Variants in NELFCD observed in about 807,000 individuals in gnomAD.
NELFCD encodes the protein negative elongation factor complex member C/D.
A neutral mutation model predicts 72.9 loss-of-function variants in NELFCD; 48 were observed. The observed-to-expected ratio is 0.66, with a 90% confidence interval of 0.52 to 0.84. NELFCD has a LOEUF of 0.84. Ranked by LOEUF, NELFCD falls within the 40% of genes least tolerant of loss-of-function variation. NELFCD has a pLI of 0.00. For missense variants in NELFCD, 538 were observed against 723.8 expected (o/e 0.74, Z 2.94); for synonymous variants, 297 against 280.6 (o/e 1.06, Z -0.59).
chr20:58,984,215 G>A (rs1008034904), intron 1 of NELFCD, among the ~76,000 whole-genome samples: 1 of 152,112 alleles, frequency 6.6e-6, no homozygotes, highest in Non-Finnish European at 1.5e-5. Flanking sequence ...AATGGGGAGT[G>A]GTGAGAGGTC....
Position 58,986,419 on chromosome 20 carries a change from G to A in NELFCD, c.176+211G>A. 3.6e-6 allele frequency: 2 copies of A among 560,872 alleles called. No homozygotes were observed. Among genetic ancestry groups the A allele is most frequent in the South Asian group, 2.3e-5 (1 of 44,322 alleles). 34.7% of individuals were successfully genotyped at this position (560,872 alleles called of 1,614,324 possible). A position where few individuals can be genotyped will look rare whatever the true frequency, so the allele number is the denominator to read the frequency against. ...TGCAGTGGCACAATCACCGCTCACT[G>A]CAGCTTCAGCCTCCTGGAATCAAGC... is the stretch of plus-strand genomic sequence containing the variant. On this transcript the variant is annotated intron_variant, in intron 2 of 14. Coordinates refer to ENST00000652272, the MANE Select transcript of NELFCD (RefSeq NM_198976.4). The surrounding 1 kb of genome is among the most constrained non-coding windows in gnomAD (Gnocchi z 4.4).
Position 58,993,024 on chromosome 20 carries a change from T to A in NELFCD, c.1256T>A (p.Leu419Gln), listed in dbSNP as rs759154065. The change falls in exon 11 of 15, where the codon CTG (leucine) becomes CAG (glutamine). Residue 419 changes from leucine (L) to glutamine (Q), a missense_variant. Coordinates refer to ENST00000652272, the MANE Select transcript of NELFCD (RefSeq NM_198976.4). This position sits in a 1 kb window ranked among gnomAD's most constrained non-coding sequence, Gnocchi z 5.0. ...IRFPVVAMGV[L>Q]KWVDWTVSEP... is the part of the protein sequence containing the mutation. ...TTTCCAGTGGTAGCAATGGGTGTGCTGAAGTGGGTGGATTGGACTGTATCA... is the reference window on the plus strand; with the variant it reads ...TTTCCAGTGGTAGCAATGGGTGTGCAGAAGTGGGTGGATTGGACTGTATCA... The A allele has an allele frequency of 6.2e-7, 1 of 1,614,118 alleles. No individual in the cohort carries two copies.
rs759950130 is a variant in NELFCD, at chr20:58,986,915, A to C, written c.286+52A>C. On this transcript the variant is annotated intron_variant, in intron 3 of 14. Transcript: ENST00000652272. The surrounding 1 kb of genome is among the most constrained non-coding windows in gnomAD (Gnocchi z 4.4). ...GCTAGTTACCCCCACTTTTTTAAAA[A>C]TAGACTTTTGGGTCCTTATAACACT... is the stretch of plus-strand genomic sequence containing the variant. 4.1e-6 allele frequency: 5 copies of C among 1,226,562 alleles called. No individual in the cohort carries two copies. The highest frequency in any genetic ancestry group is 1.5e-5 in the African/African-American group (1 of 65,768). The allele number at this position is 1,226,562 out of a possible 1,614,324, so 76.0% of individuals were successfully genotyped here. A position where few individuals can be genotyped will look rare whatever the true frequency, so the allele number is the denominator to read the frequency against.
chr20:58,985,709 T>C (rs1194261776), intron 1 of NELFCD, among the ~76,000 whole-genome samples: 2 of 152,230 alleles, frequency 1.3e-5, no homozygotes, highest in Non-Finnish European at 2.9e-5. Flanking sequence ...TTTATTGCAC[T>C]GTTACGAAAT....
At position 58,990,873 on chromosome 20, in the gene NELFCD, C is replaced by T. The variant is rs758239262; in HGVS notation, c.789-37C>T. 10 of 1,566,032 alleles carry T rather than the reference C, an allele frequency of 6.4e-6. No homozygotes were observed. In the African/African-American group the frequency reaches 1.2e-4, roughly 19 times the overall value. ...AAAAAGAACAGAAAAAAGAAGCTGC[C>T]TTGTTAGTAACGGGGTCTATGGTTT... On this transcript the variant is annotated intron_variant, in intron 7 of 14. Coordinates refer to ENST00000652272, the MANE Select transcript of NELFCD (RefSeq NM_198976.4).
rs2091779846 is a variant in NELFCD at position 58,987,324 on chromosome 20, G to GT, written c.287-383dup. The GT allele has an allele frequency of 4.1e-5, 11 of 266,812 alleles. No individual in the cohort carries two copies. In the South Asian group the frequency reaches 6.4e-4, roughly 16 times the overall value. The allele number at this position is 266,812 out of a possible 1,614,324, so 16.5% of individuals were successfully genotyped here. The stretch of plus-strand genomic sequence containing the variant: ...TGAAGTGCGTGCTGTCCGGAAGCTT[G>GT]TGGACACACTGCTGTCCCGGTGATT... On this transcript the variant is annotated intron_variant, in intron 3 of 14. Coordinates refer to ENST00000652272, the MANE Select transcript of NELFCD (RefSeq NM_198976.4).
At position 58,986,237 on chromosome 20, in the gene NELFCD, G is replaced by A. The variant is rs1302886427; in HGVS notation, c.176+29G>A. On this transcript the variant is annotated intron_variant, in intron 2 of 14. Coordinates refer to ENST00000652272, the MANE Select transcript of NELFCD (RefSeq NM_198976.4). This position sits in a 1 kb window ranked among gnomAD's most constrained non-coding sequence, Gnocchi z 4.4. ...TGTGAGAAAGGTGTCTGTATTGGGAGGAGGCTGGGGGTAATTTAGAGAAAG... is the reference window on the plus strand; with the variant it reads ...TGTGAGAAAGGTGTCTGTATTGGGAAGAGGCTGGGGGTAATTTAGAGAAAG... The A allele has an allele frequency of 4.2e-6, 6 of 1,412,260 alleles. No individual in the cohort carries two copies. The Admixed American group carries it at 6.7e-5, about 16-fold the overall frequency. 87.5% of individuals were successfully genotyped at this position (1,412,260 alleles called of 1,614,324 possible). A position where few individuals can be genotyped will look rare whatever the true frequency, so the allele number is the denominator to read the frequency against.
intron 7 of NELFCD, 69 bp from the exon 8 acceptor site, chr20:58,990,840 TA>T (rs2091810759): frequency 7.5e-7 from 1 of 1,336,682 alleles, no homozygotes; most frequent in Non-Finnish European, 1.0e-6. Flanking sequence ...CAAAGTATTA[TA>T]TGTGTAAAAA....
intron 1 of NELFCD, among the ~76,000 whole-genome samples, chr20:58,982,743 A>C (rs1040561575): frequency 3.3e-5 from 5 of 152,144 alleles, no homozygotes; most frequent in Non-Finnish European, 7.4e-5. Flanking sequence ...TGGCTTGTTC[A>C]GGAGTTTGGG....
At chr20:58,988,735 C>G (rs2146351899) in intron 4 of NELFCD, among the ~76,000 whole-genome samples, 179 bp from the exon 5 acceptor site, 1 of 152,246 alleles carries the variant, frequency 6.6e-6, no homozygotes, top group East Asian at 1.9e-4. Context: ...ATCTAGGGAC[C>G]TTTCTGTCAC....
Position 58,989,037 on chromosome 20 carries a change from G to C in NELFCD, c.504+16G>C. 1.3e-6 allele frequency: 2 copies of C among 1,548,554 alleles called. No homozygotes were observed. The highest frequency in any genetic ancestry group is 1.8e-6 in the Non-Finnish European group (2 of 1,120,262). ...CACCGTTAAGGTAGGAAGAGTTCTA[G>C]AGTTAAGGAGAAAAGTGTTTATGAA... is the stretch of plus-strand genomic sequence containing the variant. On this transcript the variant is annotated intron_variant, in intron 5 of 14. Coordinates refer to ENST00000652272, the MANE Select transcript of NELFCD (RefSeq NM_198976.4).
At chr20:58,987,875 T>C in intron 4 of NELFCD, 58 bp downstream of exon 4, 1 of 1,292,838 alleles carries the variant, frequency 7.7e-7, no homozygotes, top group Non-Finnish European at 1.1e-6. Flanking sequence ...GCAAATTCCC[T>C]GTGTACAGTG....
chr20:58,993,134 C>A lies in NELFCD; in HGVS notation c.1344+22C>A. 1 of 1,513,940 alleles carries A rather than the reference C, an allele frequency of 6.6e-7. No individual in the cohort carries two copies. Among genetic ancestry groups the A allele is most frequent in the Non-Finnish European group, 9.2e-7 (1 of 1,088,758 alleles). The allele number at this position is 1,513,940 out of a possible 1,614,324, so 93.8% of individuals were successfully genotyped here. On this transcript the variant is annotated intron_variant, in intron 11 of 14. Coordinates refer to ENST00000652272, the MANE Select transcript of NELFCD (RefSeq NM_198976.4). This position sits in a 1 kb window ranked among gnomAD's most constrained non-coding sequence, Gnocchi z 5.0. ...TGAGGTAAGAGGGCGGAGAGCTGTT[C>A]ACAGCCTACACAGTGTCTGTCTCAT...
chr20:58,994,247 C>A lies in NELFCD; in HGVS notation c.1711+8C>A. 1 of 1,613,598 alleles carries A rather than the reference C, an allele frequency of 6.2e-7. No homozygotes were observed. The highest frequency in any genetic ancestry group is 8.5e-7 in the Non-Finnish European group (1 of 1,179,694). On this transcript the variant is annotated splice_region_variant and intron_variant, in intron 14 of 14. Coordinates refer to ENST00000652272, the MANE Select transcript of NELFCD (RefSeq NM_198976.4). ...CTGTGACGGAGTTTATAGGTGAGGC[C>A]GACTGCCTAGCCCTTTACTACAATA...
At chr20:58,988,783 C>A in intron 4 of NELFCD, 131 bp from the exon 5 acceptor site, 1 of 645,306 alleles carries the variant, frequency 1.5e-6, no homozygotes, top group Non-Finnish European at 2.7e-6. Flanking sequence ...TCTGGGTCTG[C>A]CTCCCCCAGA....
chr20:58,994,250 C>T lies in NELFCD; in HGVS notation c.1711+11C>T. ...TGACGGAGTTTATAGGTGAGGCCGA[C>T]TGCCTAGCCCTTTACTACAATAGAA... is the stretch of plus-strand genomic sequence containing the variant. On this transcript the variant is annotated intron_variant, in intron 14 of 14. Transcript: ENST00000652272. 1.2e-6 allele frequency: 2 copies of T among 1,613,286 alleles called. No individual in the cohort carries two copies. Among genetic ancestry groups the T allele is most frequent in the Non-Finnish European group, 1.7e-6 (2 of 1,179,420 alleles).
Position 58,986,089 on chromosome 20 carries a change from A to G in NELFCD, c.61-4A>G. On this transcript the variant is annotated splice_region_variant and splice_polypyrimidine_tract_variant and intron_variant, in intron 1 of 14. Coordinates refer to ENST00000652272, the MANE Select transcript of NELFCD (RefSeq NM_198976.4). The surrounding 1 kb of genome is among the most constrained non-coding windows in gnomAD (Gnocchi z 4.4). The stretch of plus-strand genomic sequence containing the variant: ...ATATCCTGGCTCTTCGCATTTACCA[A>G]CAGCAGGAGGATGATTCTGGAGAAG... The G allele has an allele frequency of 1.2e-6, 2 of 1,604,066 alleles. No individual in the cohort carries two copies. The highest frequency in any genetic ancestry group is 2.2e-5 in the East Asian group (1 of 44,840).
rs1288162314 is a variant in NELFCD, at chr20:58,993,705, C to T, written c.1522C>T (p.Arg508Ter). 4.3e-6 allele frequency: 7 copies of T among 1,614,176 alleles called. No homozygotes were observed. The highest frequency in any genetic ancestry group is 5.9e-6 in the Non-Finnish European group (7 of 1,180,020). ...GYVLPVVSYI[R>*]KCLEKLDTDI... ...TGTACTTCCTGTTGTCAGTTACATC[C>T]GAAAGTGTCTGGAGAAGCTGGACAC... Residue 508 changes from arginine (R) to a stop codon, truncating the protein, a stop_gained, in exon 13 of 15, where the codon CGA becomes TGA. Coordinates refer to ENST00000652272, the MANE Select transcript of NELFCD (RefSeq NM_198976.4). LOFTEE classifies it high-confidence loss of function. The surrounding 1 kb of genome is among the most constrained non-coding windows in gnomAD (Gnocchi z 5.0).
In NELFCD at chr20:58,991,465, A is replaced by G. The variant is rs776602915; in HGVS notation, c.1089+19A>G. ...GAAGAAGGTACCATCGGTTCTGGGA[A>G]TTTGTGGATTTTTTAGGAGACAAAT... On this transcript the variant is annotated intron_variant, in intron 9 of 14. Transcript: ENST00000652272. The G allele has an allele frequency of 1.9e-6, 3 of 1,613,170 alleles. No individual in the cohort carries two copies. The highest frequency in any genetic ancestry group is 2.7e-5 in the African/African-American group (2 of 74,554).
Sources: allele counts gnomAD v4.1 joint callset (sites outside exome capture counted in the v4.1 genomes callset), GRCh38; gene constraint gnomAD v4.1.1; non-coding constraint Gnocchi (gnomAD v3.1); transcripts MANE v1.5; gene names NCBI Gene and HGNC (gene_info 2026-07-23, HGNC 2026-07-21).